TSPEAR: variants seen among roughly 807,000 people sequenced by gnomAD.
TSPEAR encodes thrombospondin-type laminin G domain and EAR repeat-containing protein.
In TSPEAR, 69 loss-of-function variants were observed where a neutral mutation model predicts 71.6. The ratio of observed to expected loss-of-function variants is 0.96; its 90% CI spans 0.79 to 1.18. The LOEUF (loss-of-function observed/expected upper bound fraction) is 1.18, where lower values mean the gene tolerates loss of function less well. Ranked by LOEUF, TSPEAR falls within the 50% of genes most tolerant of loss-of-function variation. The probability of loss-of-function intolerance (pLI) is 0.00; values close to 1 mark genes in which losing one functional copy is unlikely to be tolerated. For missense variants in TSPEAR, 971 were observed against 894.9 expected, an observed-to-expected ratio of 1.09 and a Z score of -1.09; for synonymous variants, 402 against 387.2, an observed-to-expected ratio of 1.04 and a Z score of -0.45.
rs587765953 is a variant in TSPEAR at position 44,637,273 on chromosome 21, G to T, written c.83-69268C>A. 1,639 of 1,104,064 alleles carry T rather than the reference G, an allele frequency of 1.5e-3. 3 individuals are homozygous for T. The highest frequency in any genetic ancestry group is 2.0e-3 in the Non-Finnish European group (1,506 of 762,904). The allele number at this position is 1,104,064 out of a possible 1,614,324, so 68.4% of individuals were successfully genotyped here. ...CCGGCTCCAAACACCAACACGGAAG[G>T]GGAGGGCATTGCTGAGTCTCCTGCT... On this transcript the variant is annotated intron_variant, in intron 1 of 11. Coordinates refer to ENST00000323084, the MANE Select transcript of TSPEAR (RefSeq NM_144991.3).
intron 3 of TSPEAR, among the ~76,000 whole-genome samples, chr21:44,533,393 G>A (rs900346957): frequency 3.9e-5 from 6 of 152,014 alleles, no homozygotes; most frequent in East Asian, 3.9e-4. Flanking sequence ...CCCCCTGGTC[G>A]GCTCCTGCCC....
chr21:44,527,271 A>G (rs2052876143), intron 7 of TSPEAR, 21 bp downstream of exon 7: 2 of 1,613,330 alleles, frequency 1.2e-6, no homozygotes, highest in Admixed American at 1.7e-5. Flanking sequence ...GGATGGAGAA[A>G]GTCACCGAAC....
intron 9 of TSPEAR, chr21:44,517,279 T>TTGAG (rs2052604400): frequency 6.4e-6 from 1 of 156,678 alleles, no homozygotes; most frequent in Non-Finnish European, 1.4e-5. Context: ...CTCATTCTGG[T>TTGAG]TGAGTACCTG....
intron 9 of TSPEAR, among the ~76,000 whole-genome samples, chr21:44,512,127 G>A (rs1243110029): frequency 6.6e-6 from 1 of 152,254 alleles, no homozygotes; most frequent in African/African-American, 2.4e-5. Context: ...GAGGGAGCCA[G>A]GAGGGCTGGG....
chr21:44,536,984 G>A (rs1291610886), intron 2 of TSPEAR, among the ~76,000 whole-genome samples: 5 of 152,080 alleles, frequency 3.3e-5, no homozygotes, highest in East Asian at 1.9e-4. Context: ...GAAATACCTC[G>A]AATTTAATCC....
chr21:44,619,818 TA>T (rs1224774534), intron 1 of TSPEAR, among the ~76,000 whole-genome samples: 2 of 151,926 alleles, frequency 1.3e-5, no homozygotes, highest in East Asian at 3.9e-4. Flanking sequence ...GTCTGAGGAG[TA>T]GATGAGAAAA....
intron 1 of TSPEAR, among the ~76,000 whole-genome samples, chr21:44,597,437 C>CTTTTTTTTTTTTT (rs56129761): frequency 1.7e-5 from 2 of 119,220 alleles, no homozygotes; most frequent in Non-Finnish European, 1.7e-5. Flanking sequence ...TCTTTCTTTT[C>CTTTTTTTTTTTTT]TTTTTTTTTT....
At chr21:44,515,818 C>T (rs1440898040) in intron 9 of TSPEAR, 1 of 152,264 alleles carries the variant, frequency 6.6e-6, no homozygotes, top group Non-Finnish European at 1.5e-5. Context: ...CAACGAAGCT[C>T]AGAATCCAGT....
At chr21:44,702,295 G>T (rs375555287) in intron 1 of TSPEAR, 1 of 1,606,564 alleles carries the variant, frequency 6.2e-7, no homozygotes, top group Non-Finnish European at 8.5e-7. Flanking sequence ...CTGCTGCGCC[G>T]CCAGCTGCTG....
chr21:44,658,144 C>T (rs782479140), intron 1 of TSPEAR: 19 of 1,613,680 alleles, frequency 1.2e-5, no homozygotes, highest in Non-Finnish European at 1.4e-5. Context: ...CCTCCGTGTG[C>T]GTGCCCGTGA....
At position 44,627,276 on chromosome 21, in the gene TSPEAR, C is replaced by G. The variant is rs200685052; in HGVS notation, c.83-59271G>C. 2.9e-4 allele frequency: 469 copies of G among 1,612,630 alleles called. 1 individual carries two copies. The East Asian group carries it at 9.6e-3, about 33-fold the overall frequency. ...GTGAGCCCCCCTGCTGCGCCACCAG[C>G]TGCTGCGCCCCGGCCCCCTGCCTGA... On this transcript the variant is annotated intron_variant, in intron 1 of 11. Coordinates refer to ENST00000323084, the MANE Select transcript of TSPEAR (RefSeq NM_144991.3).
chr21:44,704,417 C>T (rs527761756), intron 1 of TSPEAR, among the ~76,000 whole-genome samples: 6 of 152,202 alleles, frequency 3.9e-5, no homozygotes, highest in Non-Finnish European at 8.8e-5. Context: ...ACCCCCAACC[C>T]CCAGGGAACC....
At chr21:44,531,715 C>T (rs1475451796) in intron 3 of TSPEAR, among the ~76,000 whole-genome samples, 2 of 152,200 alleles carry the variant, frequency 1.3e-5, no homozygotes, top group East Asian at 1.9e-4. Flanking sequence ...ACCCTCCCTC[C>T]ACTGAGCTCC....
At position 44,612,901 on chromosome 21, in the gene TSPEAR, G is replaced by C; in HGVS notation, c.83-44896C>G. 6.2e-7 allele frequency: 1 copy of C among 1,607,512 alleles called. No homozygotes were observed. Among genetic ancestry groups the C allele is most frequent in the Non-Finnish European group, 8.5e-7 (1 of 1,177,994 alleles). Reference sequence around the variant, plus strand: ...GCTGAGGCCTCTGCTCAGGCCAGGAGTCCAGCTGCTGATGGGCACGTCCCC... The same window carrying C: ...GCTGAGGCCTCTGCTCAGGCCAGGACTCCAGCTGCTGATGGGCACGTCCCC... On this transcript the variant is annotated intron_variant, in intron 1 of 11. Transcript: ENST00000323084. The surrounding 1 kb of genome is among the most constrained non-coding windows in gnomAD (Gnocchi z 4.1).
intron 1 of TSPEAR, chr21:44,580,319 G>T (rs587612455): frequency 6.2e-7 from 1 of 1,613,938 alleles, no homozygotes; most frequent in East Asian, 2.2e-5. Context: ...CACGCAGCAG[G>T]CCTGCTGGCA....
chr21:44,502,661 T>A (rs2052056149), intron 11 of TSPEAR, among the ~76,000 whole-genome samples: 1 of 152,252 alleles, frequency 6.6e-6, no homozygotes, highest in Non-Finnish European at 1.5e-5. Context: ...GGGTTGTGGC[T>A]ACACCCGGGG....
intron 11 of TSPEAR, among the ~76,000 whole-genome samples, chr21:44,500,250 G>A (rs781977286): frequency 6.6e-5 from 10 of 152,204 alleles, no homozygotes; most frequent in Non-Finnish European, 1.0e-4. Flanking sequence ...GGCCTCAATC[G>A]TGAGGTGCGT....
chr21:44,504,145 AGTG>A (rs1569148467), intron 11 of TSPEAR, among the ~76,000 whole-genome samples: 21 of 131,478 alleles, frequency 1.6e-4, no homozygotes, highest in African/African-American at 6.3e-4. Flanking sequence ...GTGAGCCCAC[AGTG>A]GGGAAGCAAG....
chr21:44,588,901 T>A (rs1979546895), intron 1 of TSPEAR, among the ~76,000 whole-genome samples: 1 of 151,742 alleles, frequency 6.6e-6, no homozygotes, highest in South Asian at 2.1e-4. Flanking sequence ...AACTCAGGAA[T>A]GGAAAACCAA....
Sources: gnomAD v4.1 joint callset for allele counts (sites outside exome capture counted in the v4.1 genomes callset) on GRCh38, gnomAD v4.1.1 for gene constraint, Gnocchi (gnomAD v3.1) non-coding constraint, MANE v1.5 for transcripts, NCBI Gene and HGNC (gene_info 2026-07-23, HGNC 2026-07-21) for gene names.